UBR1: variants seen among roughly 807,000 people sequenced by gnomAD.
The protein encoded by UBR1 is E3 ubiquitin-protein ligase UBR1.
In UBR1, 102 loss-of-function variants were observed where a neutral mutation model predicts 242.1. The observed-to-expected ratio is 0.42, with a 90% CI of 0.36 to 0.50. The LOEUF (loss-of-function observed/expected upper bound fraction) is 0.50. Among genes scored for constraint, UBR1 ranks in the 20% least tolerant of loss-of-function variants. The probability of loss-of-function intolerance (pLI) is 0.01; values close to 1 mark genes in which losing one functional copy is unlikely to be tolerated. For synonymous variants in UBR1, 675 were observed against 684.8 expected, an observed-to-expected ratio of 0.99 and a Z score of 0.22; for missense variants, 1,772 against 2,101.8, an observed-to-expected ratio of 0.84 and a Z score of 3.07.
intron 33 of UBR1, among the ~76,000 whole-genome samples, chr15:42,990,568 A>G (rs1015611579): frequency 2.0e-5 from 3 of 152,314 alleles, no homozygotes; most frequent in Non-Finnish European, 4.4e-5. Flanking sequence ...CATCCAGATA[A>G]CCACTGTTAA....
At chr15:43,048,296 C>T (rs762544291) in intron 13 of UBR1, 96 bp downstream of exon 13, 14 of 890,918 alleles carry the variant, frequency 1.6e-5, no homozygotes, top group Admixed American at 2.4e-5. Context: ...TAGATAAATT[C>T]TTTCTTGTAT....
intron 10 of UBR1, among the ~76,000 whole-genome samples, chr15:43,057,374 C>T (rs2033631199): frequency 6.6e-6 from 1 of 152,154 alleles, no homozygotes; most frequent in Non-Finnish European, 1.5e-5. Context: ...CCAATTCCAT[C>T]TTGGGTCCTA....
At chr15:42,972,986 C>G (rs1047530573) in intron 39 of UBR1, among the ~76,000 whole-genome samples, 68 of 152,220 alleles carry the variant, frequency 4.5e-4, no homozygotes, top group African/African-American at 1.5e-3. Flanking sequence ...GTTCCTGTTG[C>G]TCCACATACT....
intron 37 of UBR1, among the ~76,000 whole-genome samples, chr15:42,978,892 C>CTT (rs754093273): frequency 8.4e-4 from 79 of 94,044 alleles, no homozygotes; most frequent in South Asian, 2.1e-3. Context: ...CCACGCCCGG[C>CTT]TTTTTTTTTT....
At chr15:43,104,534 C>T (rs1394775434) in intron 1 of UBR1, among the ~76,000 whole-genome samples, 2 of 152,048 alleles carry the variant, frequency 1.3e-5, no homozygotes, top group East Asian at 1.9e-4. Flanking sequence ...TGGAGGAAAA[C>T]GGCAAGCACT....
At chr15:43,028,400 G>A (rs1055583948) in intron 21 of UBR1, among the ~76,000 whole-genome samples, 2 of 152,002 alleles carry the variant, frequency 1.3e-5, no homozygotes, top group African/African-American at 4.8e-5. Flanking sequence ...ACTACAGTAA[G>A]CTCACAGATT....
intron 32 of UBR1, among the ~76,000 whole-genome samples, chr15:43,001,007 T>G (rs2032716236): frequency 6.6e-6 from 1 of 152,108 alleles, no homozygotes; most frequent in East Asian, 1.9e-4. Flanking sequence ...CTAATTTTTG[T>G]ATTCTTAGTA....
Position 43,105,975 on chromosome 15 carries a change from C to G in UBR1, c.48G>C (p.Ala16=), listed in dbSNP as rs776537054. The G allele has an allele frequency of 2.5e-6, 4 of 1,613,922 alleles. No individual in the cohort carries two copies. Among genetic ancestry groups the G allele is most frequent in the African/African-American group, 1.3e-5 (1 of 74,894 alleles). Residue 16 remains alanine (A), a synonymous_variant, in exon 1 of 47, where the codon GCG becomes GCC. Transcript: ENST00000290650. The part of the protein sequence containing the change: ...AGGTERMEIS[A]ELPQTPQRLA... ...GACGCTGAGGGGTCTGGGGTAACTCCGCGCTGATTTCCATCCTCTCAGTAC... is the reference window on the plus strand; with the variant it reads ...GACGCTGAGGGGTCTGGGGTAACTCGGCGCTGATTTCCATCCTCTCAGTAC...
intron 21 of UBR1, among the ~76,000 whole-genome samples, chr15:43,029,733 A>T (rs1465206828): frequency 1.3e-5 from 2 of 152,162 alleles, no homozygotes; most frequent in East Asian, 1.9e-4. Flanking sequence ...TTTCCTCTGG[A>T]GTAATCTTTA....
At chr15:43,088,645 T>C (rs1459484722) in intron 1 of UBR1, among the ~76,000 whole-genome samples, 1 of 151,968 alleles carries the variant, frequency 6.6e-6, no homozygotes, top group South Asian at 2.1e-4. Flanking sequence ...TCTAATTTAA[T>C]ACATGTGGAG....
intron 1 of UBR1, among the ~76,000 whole-genome samples, chr15:43,100,376 G>A (rs746030594): frequency 5.9e-5 from 9 of 152,044 alleles, no homozygotes; most frequent in African/African-American, 1.7e-4. Flanking sequence ...GCCTGGACTC[G>A]AAGGTTAGCC....
intron 29 of UBR1, 125 bp from the exon 30 acceptor site, chr15:43,007,409 A>G (rs2032849973): frequency 1.1e-6 from 1 of 895,020 alleles, no homozygotes; most frequent in East Asian, 2.7e-5. Context: ...AATGATATTT[A>G]GCAATATTAA....
intron 33 of UBR1, among the ~76,000 whole-genome samples, chr15:42,993,842 A>T (rs1270331026): frequency 6.6e-6 from 1 of 152,102 alleles, no homozygotes; most frequent in African/African-American, 2.4e-5. Flanking sequence ...CATCTCAAAA[A>T]AAAAAAAAGG....
At chr15:43,060,591 T>C (rs938113218) in intron 6 of UBR1, among the ~76,000 whole-genome samples, 5 of 152,202 alleles carry the variant, frequency 3.3e-5, no homozygotes, top group Non-Finnish European at 7.3e-5. Context: ...TAGGATTTCC[T>C]TGTAGCTCAT....
intron 21 of UBR1, among the ~76,000 whole-genome samples, chr15:43,029,164 C>G (rs532223949): frequency 2.0e-5 from 3 of 151,644 alleles, no homozygotes; most frequent in Admixed American, 6.5e-5. Flanking sequence ...CTTTGGAAAG[C>G]CTTGACAGCA....
chr15:43,010,316 A>G (rs1350415739), intron 29 of UBR1, among the ~76,000 whole-genome samples: 1 of 152,158 alleles, frequency 6.6e-6, no homozygotes, highest in African/African-American at 2.4e-5. Flanking sequence ...TTCACAGGAC[A>G]GTACTACATG....
intron 40 of UBR1, among the ~76,000 whole-genome samples, chr15:42,969,541 T>C (rs1362759489): frequency 6.6e-6 from 1 of 152,240 alleles, no homozygotes; most frequent in Non-Finnish European, 1.5e-5. Flanking sequence ...TTTGTCAATT[T>C]TGGCTTTTGT....
chr15:42,967,260 A>G (rs2032122725), intron 40 of UBR1, among the ~76,000 whole-genome samples: 1 of 132,066 alleles, frequency 7.6e-6, no homozygotes, highest in Non-Finnish European at 1.6e-5. Flanking sequence ...ACAAGGTCTC[A>G]CTATCTTGCT....
chr15:42,956,439 C>A (rs1346567138), intron 44 of UBR1, among the ~76,000 whole-genome samples: 1 of 152,204 alleles, frequency 6.6e-6, no homozygotes, highest in Non-Finnish European at 1.5e-5. Flanking sequence ...CACGCCTCAG[C>A]CTCCCAAGTA....
Sources: gnomAD v4.1 joint callset for allele counts (sites outside exome capture counted in the v4.1 genomes callset) on GRCh38, gnomAD v4.1.1 for gene constraint, MANE v1.5 for transcripts, NCBI Gene and HGNC (gene_info 2026-07-23, HGNC 2026-07-21) for gene names.